NOL10: variants seen among roughly 807,000 people sequenced by gnomAD.
The protein encoded by NOL10 is H_NH0074G24.1.
Under a neutral mutation model 103.5 loss-of-function variants are expected in NOL10, and 58 were observed. That is an observed-to-expected ratio of 0.56 (90% CI 0.45 to 0.70). The LOEUF (loss-of-function observed/expected upper bound fraction) is 0.70, where lower values mean the gene tolerates loss of function less well. Ranked by LOEUF, NOL10 falls within the 30% of genes least tolerant of loss-of-function variation. The pLI, the probability that NOL10 is intolerant of heterozygous loss-of-function variation, is 0.00. For synonymous variants in NOL10, 287 were observed against 282.5 expected, an observed-to-expected ratio of 1.02 and a Z score of -0.16; for missense variants, 763 against 807.3, an observed-to-expected ratio of 0.95 and a Z score of 0.67.
intron 4 of NOL10, 119 bp from the exon 5 acceptor site, chr2:10,673,676 C>A: frequency 1.7e-6 from 1 of 579,078 alleles, no homozygotes; most frequent in East Asian, 3.2e-5. Context: ...TTTTTTTCTG[C>A]CTCTACGTGA....
At chr2:10,670,760 C>A (rs944472574) in intron 6 of NOL10, among the ~76,000 whole-genome samples, 5 of 151,530 alleles carry the variant, frequency 3.3e-5, no homozygotes, top group African/African-American at 1.2e-4. Flanking sequence ...AACAAACAAA[C>A]AAAAAAAACA....
At chr2:10,661,211 G>T (rs1418249077) in intron 9 of NOL10, among the ~76,000 whole-genome samples, 1 of 152,164 alleles carries the variant, frequency 6.6e-6, no homozygotes, top group African/African-American at 2.4e-5. Flanking sequence ...AAGTACTTGG[G>T]ATTACAGGCA....
intron 13 of NOL10, among the ~76,000 whole-genome samples, chr2:10,638,738 G>A (rs1479325738): frequency 6.9e-6 from 1 of 145,344 alleles, no homozygotes; most frequent in East Asian, 2.1e-4. Context: ...TGATCCGCCC[G>A]CCTTGGCCTC....
Position 10,684,617 on chromosome 2 carries a change from A to G in NOL10, c.67-5T>C, listed in dbSNP as rs762216814. The G allele has an allele frequency of 6.4e-7, 1 of 1,558,674 alleles. No homozygotes were observed. Among genetic ancestry groups the G allele is most frequent in the South Asian group, 1.2e-5 (1 of 83,870 alleles). ...CTTCTTCCTATCAGAAAGCCACTTA[A>G]AGAAAATGAAGAGAGTTTATTTTAA... On this transcript the variant is annotated splice_polypyrimidine_tract_variant and splice_region_variant and intron_variant, in intron 1 of 20. Transcript: ENST00000381685.
At chr2:10,657,708 A>G (rs911645741) in intron 11 of NOL10, 34 bp downstream of exon 11, 2 of 1,533,058 alleles carry the variant, frequency 1.3e-6, no homozygotes, top group Non-Finnish European at 8.8e-7. Context: ...ACCTGCAAAT[A>G]AAGAAGCAAG....
At chr2:10,688,199 C>A (rs1032909098) in intron 1 of NOL10, among the ~76,000 whole-genome samples, 1 of 152,204 alleles carries the variant, frequency 6.6e-6, no homozygotes, top group Non-Finnish European at 1.5e-5. Context: ...AAGCCCAAGC[C>A]ACCGAAGTCG....
intron 13 of NOL10, among the ~76,000 whole-genome samples, chr2:10,620,960 G>A (rs889456277): frequency 3.3e-5 from 5 of 151,996 alleles, no homozygotes; most frequent in African/African-American, 7.2e-5. Context: ...AATGCCAGGC[G>A]AATTTTCTGT....
chr2:10,637,708 T>A, intron 13 of NOL10, among the ~76,000 whole-genome samples: 1 of 152,274 alleles, frequency 6.6e-6, no homozygotes, highest in Non-Finnish European at 1.5e-5. Context: ...TGAGGCCTTA[T>A]GCTTCTTAAC....
chr2:10,649,311 A>ATT (rs56031158), intron 12 of NOL10, among the ~76,000 whole-genome samples: 1,933 of 98,948 alleles, frequency 0.02, 216 homozygotes, highest in African/African-American at 0.039. Flanking sequence ...GTATGTTTGA[A>ATT]TTTTTTTTTT....
chr2:10,635,589 A>C (rs1244409035), intron 13 of NOL10, among the ~76,000 whole-genome samples: 2 of 152,216 alleles, frequency 1.3e-5, no homozygotes, highest in Admixed American at 6.5e-5. Context: ...CCCTTGACTT[A>C]GGGAAAATGC....
At chr2:10,596,280 G>A (rs1441483726) in intron 17 of NOL10, among the ~76,000 whole-genome samples, 1 of 149,238 alleles carries the variant, frequency 6.7e-6, no homozygotes, top group African/African-American at 2.5e-5. Context: ...CGGGCGCGAG[G>A]GAGTTTTGGG....
intron 12 of NOL10, among the ~76,000 whole-genome samples, chr2:10,649,565 A>C (rs755747829): frequency 2.0e-5 from 3 of 152,010 alleles, no homozygotes; most frequent in Non-Finnish European, 2.9e-5. Context: ...AGTGATCTGC[A>C]TGCCTCGGCC....
intron 12 of NOL10, 110 bp from the exon 13 acceptor site, chr2:10,644,482 A>T: frequency 1.5e-6 from 1 of 658,954 alleles, no homozygotes; most frequent in African/African-American, 1.9e-5. Flanking sequence ...TCAGTGAACC[A>T]AAGTATAGTA....
In NOL10 at chr2:10,645,557, A is replaced by C. The variant is rs560815447; in HGVS notation, c.974-1185T>G. 4.7e-5 allele frequency among the ~76,000 whole-genome samples: 7 copies of C among 147,910 alleles called. No homozygotes were observed. The East Asian group carries it at 1.4e-3, about 29-fold the overall frequency. On this transcript the variant is annotated intron_variant, in intron 12 of 20. Coordinates refer to ENST00000381685, the MANE Select transcript of NOL10 (RefSeq NM_024894.4). ...CTTTTTTTTTTTTTTTTTTGAGACA[A>C]GAGTCTTGCTCTGTTGCCCAGGCTG...
At chr2:10,632,839 T>TA (rs983772595) in intron 13 of NOL10, among the ~76,000 whole-genome samples, 7 of 152,250 alleles carry the variant, frequency 4.6e-5, no homozygotes, top group Admixed American at 3.9e-4. Context: ...AAATATTATT[T>TA]AAAAAAATAA....
chr2:10,615,729 T>A (rs1488964779), intron 13 of NOL10, among the ~76,000 whole-genome samples: 1 of 152,152 alleles, frequency 6.6e-6, no homozygotes, highest in African/African-American at 2.4e-5. Flanking sequence ...TCTCTCAGAA[T>A]CCTTGGGACA....
chr2:10,621,728 G>A (rs2148221506), intron 13 of NOL10, among the ~76,000 whole-genome samples: 1 of 152,366 alleles, frequency 6.6e-6, no homozygotes, highest in East Asian at 1.9e-4. Context: ...GAAATTCTCT[G>A]TTGGAACAAA....
At chr2:10,656,050 T>C (rs1023587) in intron 11 of NOL10, among the ~76,000 whole-genome samples, 119,524 of 151,546 alleles carry the variant, frequency 0.79, 48,053 homozygotes, top group Middle Eastern at 0.94. Flanking sequence ...ATAATCCACA[T>C]GATGGAAACT....
chr2:10,576,015 C>G (rs982096937), intron 20 of NOL10, among the ~76,000 whole-genome samples: 1 of 152,158 alleles, frequency 6.6e-6, no homozygotes, highest in African/African-American at 2.4e-5. Flanking sequence ...TGGCAAGCCT[C>G]CTGGATGCAC....
Sources: allele counts gnomAD v4.1 joint callset (sites outside exome capture counted in the v4.1 genomes callset), GRCh38; gene constraint gnomAD v4.1.1; transcripts MANE v1.5; gene names NCBI Gene and HGNC (gene_info 2026-07-23, HGNC 2026-07-21).